The following JAKMIP3 variants were observed in gnomAD, a reference collection of about 807,000 sequenced individuals.
The protein encoded by JAKMIP3 is Janus kinase and microtubule interacting protein 3, also known as janus kinase and microtubule-interacting protein 3.
Under a neutral mutation model 118.5 loss-of-function variants are expected in JAKMIP3, and 58 were observed. The ratio of observed to expected loss-of-function variants is 0.49; its 90% CI spans 0.40 to 0.61. The LOEUF (loss-of-function observed/expected upper bound fraction) is 0.61, where lower values mean the gene tolerates loss of function less well. Among genes scored for constraint, JAKMIP3 ranks in the 20% least tolerant of loss-of-function variants. The probability of loss-of-function intolerance (pLI) is 0.00; values close to 1 mark genes in which losing one functional copy is unlikely to be tolerated. For synonymous variants in JAKMIP3, 486 were observed against 451.2 expected, an observed-to-expected ratio of 1.08 and a Z score of -0.98; for missense variants, 950 against 1,109.0, an observed-to-expected ratio of 0.86 and a Z score of 2.04.
In JAKMIP3 at chr10:132,159,598, G is replaced by GTCTTCCTATGTGATGCTGGGGGTCC. The variant is rs1564981550; in HGVS notation, c.2221-3603_2221-3579dup. ...TCTCCCTGTGTGATGCTGGGGGCAT[G>GTCTTCCTATGTGATGCTGGGGGTCC]TCTTCCTATGTGATGCTGGGGGTCC... On this transcript the variant is annotated intron_variant, in intron 19 of 23. Coordinates refer to ENST00000684848, the MANE Select transcript of JAKMIP3 (RefSeq NM_001323087.2). Among the ~76,000 whole-genome samples, 4 of 74,478 alleles carry GTCTTCCTATGTGATGCTGGGGGTCC rather than the reference G, an allele frequency of 5.4e-5. No individual in the cohort carries two copies. In the Admixed American group the frequency reaches 5.4e-4, roughly 10 times the overall value. The allele number at this position is 74,478 out of a possible 152,430, so 48.9% of individuals were successfully genotyped here.
At chr10:132,150,097 C>A in intron 16 of JAKMIP3, 56 bp downstream of exon 16, 1 of 1,446,916 alleles carries the variant, frequency 6.9e-7, no homozygotes, top group Non-Finnish European at 9.5e-7. Context: ...CCCAGCCCAG[C>A]CCCTCTGGGG....
At chr10:132,098,629 TG>T (rs1370004668) in intron 1 of JAKMIP3, among the ~76,000 whole-genome samples, 2 of 152,216 alleles carry the variant, frequency 1.3e-5, no homozygotes, top group Non-Finnish European at 2.9e-5. Flanking sequence ...TAGGTATCAC[TG>T]TGAGGCCAGC....
At chr10:132,167,810 C>T (rs2136706272) in intron 22 of JAKMIP3, 143 bp from the exon 23 acceptor site, 1 of 342,884 alleles carries the variant, frequency 2.9e-6, no homozygotes, top group South Asian at 2.3e-5. Flanking sequence ...GGTCCTCACC[C>T]CTCACCCCTC....
At chr10:132,053,719 G>A (rs1009893131) in intron 1 of JAKMIP3, among the ~76,000 whole-genome samples, 1 of 152,160 alleles carries the variant, frequency 6.6e-6, no homozygotes, top group Non-Finnish European at 1.5e-5. Context: ...GGCGCTGTTG[G>A]AGGAGTGGAG....
intron 1 of JAKMIP3, among the ~76,000 whole-genome samples, chr10:132,051,895 A>G (rs2038115886): frequency 6.6e-6 from 1 of 152,244 alleles, no homozygotes; most frequent in Admixed American, 6.5e-5. Flanking sequence ...GGTGTTAGCC[A>G]CCACGCTTGG....
In JAKMIP3 at chr10:132,044,098, C is replaced by T. The variant is rs140369789; in HGVS notation, c.-138+7360C>T. On this transcript the variant is annotated intron_variant, in intron 1 of 23. Transcript: ENST00000657785. The surrounding 1 kb of genome is among the most constrained non-coding windows in gnomAD (Gnocchi z 5.3). ...GTGGCGCTTGTGGCCCACCTGGGGA[C>T]ACAGGCTGCCGCCTTGATGCTGCTC... 3.7e-3 allele frequency among the ~76,000 whole-genome samples: 564 copies of T among 152,350 alleles called. 6 individuals carry two copies. The highest frequency in any genetic ancestry group is 0.013 in the African/African-American group (531 of 41,584).
rs375251456 is a variant in JAKMIP3, at chr10:132,166,992, T to C, written c.2500T>C (p.Leu834=). The change falls in exon 22 of 24, where the codon TTG becomes CTG. Residue 834 remains leucine (L), a synonymous_variant. Coordinates refer to ENST00000684848, the MANE Select transcript of JAKMIP3 (RefSeq NM_001323087.2). ...CCCCTTTCCGTTTCAGTTTCTATTTTTGTTCTTATTTTTCTCCTTAGCTTT... is the reference window on the plus strand; with the variant it reads ...CCCCTTTCCGTTTCAGTTTCTATTTCTGTTCTTATTTTTCTCCTTAGCTTT... ...IKELEEKFLF[L]FLFFSLAFIL... 3.9e-6 allele frequency: 6 copies of C among 1,546,238 alleles called. No homozygotes were observed. The highest frequency in any genetic ancestry group is 4.4e-6 in the Non-Finnish European group (5 of 1,142,194).
chr10:132,120,071 C>G (rs565392908), intron 3 of JAKMIP3, among the ~76,000 whole-genome samples: 1 of 152,228 alleles, frequency 6.6e-6, no homozygotes, highest in Non-Finnish European at 1.5e-5. Context: ...AAGGCACAGG[C>G]CTCCCAGGGT....
chr10:132,039,372 C>G (rs889319037), intron 1 of JAKMIP3, among the ~76,000 whole-genome samples: 3 of 151,114 alleles, frequency 2.0e-5, no homozygotes, highest in Non-Finnish European at 4.4e-5. Context: ...TCTGCCCTGC[C>G]TTGCCCCCTC....
At chr10:132,157,364 G>A (rs1164978324) in intron 19 of JAKMIP3, among the ~76,000 whole-genome samples, 5 of 152,078 alleles carry the variant, frequency 3.3e-5, no homozygotes, top group South Asian at 2.1e-4. Flanking sequence ...TGGTGTGAGC[G>A]CATCATGGAC....
Position 132,184,169 on chromosome 10 carries a change from C to T in JAKMIP3, c.*2916C>T, listed in dbSNP as rs1324559630. On this transcript the variant is annotated 3_prime_UTR_variant, in exon 24 of 24. Transcript: ENST00000684848. ...TAAAAATCCACATAAATAGCAGATT[C>T]CTTTGTTGACACCAGTGTGTTGTTT... is the stretch of plus-strand genomic sequence containing the variant. The T allele has an allele frequency of 3.3e-5, 5 of 152,202 alleles. No homozygotes were observed. Among genetic ancestry groups the T allele is most frequent in the Admixed American group, 1.3e-4 (2 of 15,274 alleles). 9.4% of individuals were successfully genotyped at this position (152,202 alleles called of 1,614,324 possible).
At chr10:132,128,274 A>G (rs1189345022) in intron 3 of JAKMIP3, among the ~76,000 whole-genome samples, 2 of 152,244 alleles carry the variant, frequency 1.3e-5, no homozygotes, top group African/African-American at 4.8e-5. Flanking sequence ...AAAGCCAGCC[A>G]TCACTCTTAG....
chr10:132,104,850 G>A lies in JAKMIP3; in HGVS notation c.42G>A (p.Lys14=). Residue 14 remains lysine, a synonymous_variant, in exon 2 of 24, where the codon AAG becomes AAA. Coordinates refer to ENST00000684848, the MANE Select transcript of JAKMIP3 (RefSeq NM_001323087.2). ...TGAGCAGCCGGGCCAAGGGGGACAA[G>A]GCAGAGGCCCTCGCGGCGCTGCAGG... ...RGMSSRAKGD[K]AEALAALQAA... The A allele has an allele frequency of 2.6e-6, 4 of 1,556,356 alleles. No homozygotes were observed. The highest frequency in any genetic ancestry group is 3.5e-6 in the Non-Finnish European group (4 of 1,150,124).
chr10:132,154,283 G>A (rs564832651), intron 19 of JAKMIP3, among the ~76,000 whole-genome samples: 39 of 152,306 alleles, frequency 2.6e-4, no homozygotes, highest in Admixed American at 5.9e-4. Flanking sequence ...AAACATGCCC[G>A]GATTCCTGAA....
upstream of JAKMIP3, among the ~76,000 whole-genome samples, chr10:132,063,673 G>T (rs901849562): frequency 6.6e-6 from 1 of 152,234 alleles, no homozygotes; most frequent in African/African-American, 2.4e-5. Context: ...CGGACCGTCT[G>T]CAAGGGGCAC....
intron 3 of JAKMIP3, among the ~76,000 whole-genome samples, chr10:132,125,528 T>C (rs1808130510): frequency 6.6e-6 from 1 of 152,254 alleles, no homozygotes; most frequent in African/African-American, 2.4e-5. Context: ...TTCTTTCCCT[T>C]CTTCAAGATT....
At chr10:132,051,746 G>C (rs12217995) in intron 1 of JAKMIP3, among the ~76,000 whole-genome samples, 3,649 of 152,172 alleles carry the variant, frequency 0.024, 195 homozygotes, top group East Asian at 0.23. Context: ...TAGGAGACCA[G>C]AGGCATCGGC....
intron 4 of JAKMIP3, 140 bp from the exon 5 acceptor site, chr10:132,134,900 TC>T: frequency 9.2e-7 from 1 of 1,086,424 alleles, no homozygotes; most frequent in Non-Finnish European, 1.3e-6. Context: ...CCCGGGGGGC[TC>T]CGAACCTTCC....
At chr10:132,080,030 T>G (rs2041514842) in intron 1 of JAKMIP3, among the ~76,000 whole-genome samples, 1 of 152,180 alleles carries the variant, frequency 6.6e-6, no homozygotes, top group Non-Finnish European at 1.5e-5. Context: ...TTTTTAATAT[T>G]TTGAGGTGGC....
Sources: gnomAD v4.1 joint callset for allele counts (sites outside exome capture counted in the v4.1 genomes callset) on GRCh38, gnomAD v4.1.1 for gene constraint, Gnocchi (gnomAD v3.1) non-coding constraint, MANE v1.5 for transcripts, NCBI Gene and HGNC (gene_info 2026-07-23, HGNC 2026-07-21) for gene names.